The following CEP120 variants were observed in gnomAD, a reference collection of about 807,000 sequenced individuals.
CEP120 encodes the protein centrosomal protein 120, also known as centrosomal protein of 120 kDa.
A neutral mutation model predicts 126.5 loss-of-function variants in CEP120; 113 were observed. That is an observed-to-expected ratio of 0.89 (90% CI 0.77 to 1.04). The LOEUF (loss-of-function observed/expected upper bound fraction) is 1.04, where lower values mean the gene tolerates loss of function less well. Ranked by LOEUF, CEP120 falls within the 50% of genes least tolerant of loss-of-function variation. CEP120 has a pLI of 0.00. For missense variants in CEP120, 1,230 were observed against 1,155.7 expected (o/e 1.06, Z -0.93); for synonymous variants, 400 against 394.3 (o/e 1.01, Z -0.17).
chr5:123,363,591 TAATGCTTAC>T (rs1770245410), intron 18 of CEP120, among the ~76,000 whole-genome samples: 1 of 151,564 alleles, frequency 6.6e-6, no homozygotes, highest in Non-Finnish European at 1.5e-5. Flanking sequence ...TCTTCATTTG[TAATGCTTAC>T]AATCCCAACT....
chr5:123,404,350 A>G (rs1051396521), intron 4 of CEP120, among the ~76,000 whole-genome samples: 3 of 152,194 alleles, frequency 2.0e-5, no homozygotes, highest in African/African-American at 7.2e-5. Context: ...CAATTTAACC[A>G]TCTCTTGGGT....
chr5:123,402,982 G>T (rs1773367820), intron 4 of CEP120, among the ~76,000 whole-genome samples: 1 of 152,218 alleles, frequency 6.6e-6, no homozygotes, highest in Admixed American at 6.5e-5. Context: ...CCAGATGCCA[G>T]TGCCTTGATC....
intron 18 of CEP120, among the ~76,000 whole-genome samples, chr5:123,353,571 T>G (rs768996245): frequency 6.6e-6 from 1 of 151,926 alleles, no homozygotes; most frequent in Non-Finnish European, 1.5e-5. Flanking sequence ...AGATTAGTGT[T>G]ATTTCTTCCT....
chr5:123,396,896 G>C (rs920682389), intron 5 of CEP120, among the ~76,000 whole-genome samples: 2 of 152,172 alleles, frequency 1.3e-5, no homozygotes, highest in Non-Finnish European at 2.9e-5. Flanking sequence ...TCAACTCTAA[G>C]ATTGTGGTAG....
intron 1 of CEP120, among the ~76,000 whole-genome samples, chr5:123,420,236 T>C (rs914607476): frequency 3.3e-5 from 5 of 152,338 alleles, no homozygotes; most frequent in Non-Finnish European, 7.3e-5. Context: ...ACCTATATTT[T>C]CCATATTATT....
At chr5:123,411,992 T>A in intron 4 of CEP120, among the ~76,000 whole-genome samples, 1 of 152,168 alleles carries the variant, frequency 6.6e-6, no homozygotes, top group East Asian at 1.9e-4. Flanking sequence ...TCAATTTTAC[T>A]GTGAAACTAA....
chr5:123,415,820 C>T (rs1278903356), intron 3 of CEP120, among the ~76,000 whole-genome samples, 190 bp downstream of exon 3: 1 of 151,452 alleles, frequency 6.6e-6, no homozygotes, highest in East Asian at 1.9e-4. Flanking sequence ...TGCAGTGAGC[C>T]AAGATTGTGC....
At chr5:123,396,096 T>A (rs1168551559) in intron 5 of CEP120, among the ~76,000 whole-genome samples, 6 of 151,530 alleles carry the variant, frequency 4.0e-5, no homozygotes, top group African/African-American at 1.2e-4. Flanking sequence ...GGCTCCTGAG[T>A]AGCTAAGATT....
chr5:123,350,617 T>C (rs1769141426), intron 18 of CEP120, among the ~76,000 whole-genome samples: 1 of 152,200 alleles, frequency 6.6e-6, no homozygotes, highest in Non-Finnish European at 1.5e-5. Flanking sequence ...GAGAAAAACA[T>C]TATACAAAGA....
chr5:123,389,328 T>C (rs1268230026), intron 8 of CEP120, among the ~76,000 whole-genome samples: 1 of 152,220 alleles, frequency 6.6e-6, no homozygotes, highest in Non-Finnish European at 1.5e-5. Flanking sequence ...TTTAAGAATC[T>C]AATCATTTAA....
At chr5:123,375,644 A>G (rs561363270) in intron 16 of CEP120, among the ~76,000 whole-genome samples, 1 of 152,232 alleles carries the variant, frequency 6.6e-6, no homozygotes, top group African/African-American at 2.4e-5. Flanking sequence ...TAGACAAGGT[A>G]CAGATATGTG....
Position 123,378,440 on chromosome 5 carries a change from TAAAAAAAAA to T in CEP120, c.2104-21_2104-13del. 1 of 1,063,718 alleles carries T rather than the reference TAAAAAAAAA, an allele frequency of 9.4e-7. No individual in the cohort carries two copies. Among genetic ancestry groups the T allele is most frequent in the Non-Finnish European group, 1.3e-6 (1 of 794,794 alleles). 65.9% of individuals were successfully genotyped at this position (1,063,718 alleles called of 1,614,324 possible). ...GTATATTCAGCCACCTAAAATATAG[TAAAAAAAAA>T]AAAAAAAAAGTTACCTACCTTCTCC... On this transcript the variant is annotated splice_polypyrimidine_tract_variant and intron_variant, in intron 14 of 19. Coordinates refer to ENST00000306467, the MANE Select transcript of CEP120 (RefSeq NM_001375405.1).
rs781434539 is a variant in CEP120, at chr5:123,388,464, CA to C, written c.1397del (p.Leu466TrpfsTer11). On this transcript the variant is annotated frameshift_variant, in exon 9 of 20. Transcript: ENST00000306467. LOFTEE classifies it high-confidence loss of function. ...TACAGTTGATTGGAAAACCAATCTC[CA>C]AGGCATGTATACTCCTTAAGTCTAT... ...FSIDLRSIHA[L>X]EIGFPINCIL... is the part of the protein sequence containing the mutation. 6 of 1,567,060 alleles carry C rather than the reference CA, an allele frequency of 3.8e-6. No homozygotes were observed. The East Asian group carries it at 1.4e-4, about 36-fold the overall frequency.
chr5:123,399,073 G>A (rs1452352847), intron 5 of CEP120, 63 bp downstream of exon 5: 3 of 1,273,730 alleles, frequency 2.4e-6, no homozygotes, highest in African/African-American at 3.0e-5. Flanking sequence ...ATACCTGAAA[G>A]GTAAAATGTT....
At chr5:123,375,687 A>G (rs1456294970) in intron 16 of CEP120, among the ~76,000 whole-genome samples, 1 of 152,104 alleles carries the variant, frequency 6.6e-6, no homozygotes, top group African/African-American at 2.4e-5. Flanking sequence ...TGACTCTAAT[A>G]TGTGTTAAGA....
At chr5:123,346,898 CTT>C in intron 19 of CEP120, 145 bp from the exon 20 acceptor site, 1 of 583,434 alleles carries the variant, frequency 1.7e-6, no homozygotes, top group East Asian at 3.0e-5. Flanking sequence ...CAGTGTTCCA[CTT>C]GGCTAGTCAG....
intron 1 of CEP120, among the ~76,000 whole-genome samples, chr5:123,422,180 C>A (rs1010092240): frequency 6.6e-6 from 1 of 152,162 alleles, no homozygotes; most frequent in African/African-American, 2.4e-5. Context: ...GTGCTCCCTG[C>A]TCTTCTCTTT....
At chr5:123,374,839 G>A (rs1771094227) in intron 16 of CEP120, among the ~76,000 whole-genome samples, 2 of 152,080 alleles carry the variant, frequency 1.3e-5, no homozygotes, top group South Asian at 4.1e-4. Context: ...CACAATTCCA[G>A]AACATTATCA....
chr5:123,364,343 G>A (rs1770302272), intron 18 of CEP120, among the ~76,000 whole-genome samples, 153 bp downstream of exon 18: 1 of 151,436 alleles, frequency 6.6e-6, no homozygotes, highest in African/African-American at 2.4e-5. Flanking sequence ...GAAGGATCTT[G>A]CCTTTATAAC....
Sources: allele counts gnomAD v4.1 joint callset (sites outside exome capture counted in the v4.1 genomes callset), GRCh38; gene constraint gnomAD v4.1.1; transcripts MANE v1.5; gene names NCBI Gene and HGNC (gene_info 2026-07-23, HGNC 2026-07-21).